Variants in KCND2 observed in about 807,000 individuals in gnomAD.
The protein encoded by KCND2 is potassium voltage-gated channel subfamily D member 2.
Under a neutral mutation model 54.4 loss-of-function variants are expected in KCND2, and 16 were observed. The observed-to-expected ratio is 0.29, with a 90% CI of 0.20 to 0.45. The LOEUF (loss-of-function observed/expected upper bound fraction) is 0.45. Among genes scored for constraint, KCND2 ranks in the 20% least tolerant of loss-of-function variants. The probability of loss-of-function intolerance (pLI) is 1.00; values close to 1 mark genes in which losing one functional copy is unlikely to be tolerated. For synonymous variants in KCND2, 317 were observed against 310.7 expected, an observed-to-expected ratio of 1.02 and a Z score of -0.21; for missense variants, 486 against 824.2, an observed-to-expected ratio of 0.59 and a Z score of 5.02.
chr7:120,707,600 G>A (rs936599200), intron 1 of KCND2, among the ~76,000 whole-genome samples: 5 of 152,086 alleles, frequency 3.3e-5, no homozygotes, highest in Admixed American at 2.0e-4. Context: ...GTATATGCAC[G>A]GTGAGCACAT....
chr7:120,449,183 G>A (rs1264465077), intron 1 of KCND2, among the ~76,000 whole-genome samples: 1 of 151,970 alleles, frequency 6.6e-6, no homozygotes, highest in Non-Finnish European at 1.5e-5. Flanking sequence ...CAAAAAATTA[G>A]CCAGGCATGG....
At chr7:120,455,371 C>T (rs964740859) in intron 1 of KCND2, among the ~76,000 whole-genome samples, 1 of 151,960 alleles carries the variant, frequency 6.6e-6, no homozygotes, top group South Asian at 2.1e-4. Context: ...AGAGAGATTA[C>T]ACACTACTGG....
At chr7:120,698,949 G>A (rs1010604829) in intron 1 of KCND2, among the ~76,000 whole-genome samples, 1 of 152,122 alleles carries the variant, frequency 6.6e-6, no homozygotes, top group African/African-American at 2.4e-5. Context: ...CAGGAGACTT[G>A]TTGAGATGGG....
chr7:120,492,876 T>C (rs1198033295), intron 1 of KCND2, among the ~76,000 whole-genome samples: 1 of 152,118 alleles, frequency 6.6e-6, no homozygotes, highest in Non-Finnish European at 1.5e-5. Flanking sequence ...ATTTAATTTA[T>C]TGAATACTGT....
intron 1 of KCND2, among the ~76,000 whole-genome samples, chr7:120,487,427 A>T (rs1490554989): frequency 6.6e-6 from 1 of 152,210 alleles, no homozygotes; most frequent in African/African-American, 2.4e-5. Context: ...GAAGAGGGAG[A>T]GAAAGAGAGA....
intron 1 of KCND2, among the ~76,000 whole-genome samples, chr7:120,586,511 G>A (rs945316490): frequency 3.3e-5 from 5 of 152,128 alleles, no homozygotes; most frequent in African/African-American, 1.2e-4. Context: ...AATTGATCTT[G>A]CATCAAAAAT....
chr7:120,729,630 G>T (rs1792780200), intron 1 of KCND2, among the ~76,000 whole-genome samples: 1 of 152,160 alleles, frequency 6.6e-6, no homozygotes, highest in Non-Finnish European at 1.5e-5. Context: ...ATAACATGGG[G>T]AAACTCTGTG....
At chr7:120,308,746 T>C (rs1405564470) in intron 1 of KCND2, among the ~76,000 whole-genome samples, 1 of 152,178 alleles carries the variant, frequency 6.6e-6, no homozygotes, top group Non-Finnish European at 1.5e-5. Flanking sequence ...ATATCTAAAA[T>C]AAATTTTGTC....
chr7:120,638,772 G>C (rs940116325), intron 1 of KCND2, among the ~76,000 whole-genome samples: 2 of 152,080 alleles, frequency 1.3e-5, no homozygotes, highest in African/African-American at 4.8e-5. Context: ...CTTTCATGCA[G>C]AAAGTATTCA....
chr7:120,298,629 C>G (rs1272278328), intron 1 of KCND2, among the ~76,000 whole-genome samples: 1 of 152,138 alleles, frequency 6.6e-6, no homozygotes, highest in Admixed American at 6.6e-5. Context: ...TTGATTTAAA[C>G]ATTTATTTTA....
intron 1 of KCND2, among the ~76,000 whole-genome samples, chr7:120,627,051 A>C (rs1423915059): frequency 2.0e-5 from 3 of 152,202 alleles, no homozygotes; most frequent in Non-Finnish European, 4.4e-5. Context: ...TATGGTGTCC[A>C]TCATACACCA....
intron 1 of KCND2, among the ~76,000 whole-genome samples, chr7:120,660,622 C>T (rs1248475776): frequency 6.6e-6 from 1 of 152,166 alleles, no homozygotes; most frequent in Non-Finnish European, 1.5e-5. Flanking sequence ...AAATGCACAT[C>T]ATTATATGAA....
At chr7:120,329,999 G>A (rs1800039157) in intron 1 of KCND2, among the ~76,000 whole-genome samples, 1 of 152,006 alleles carries the variant, frequency 6.6e-6, no homozygotes, top group Non-Finnish European at 1.5e-5. Context: ...GTTCACCACT[G>A]AGAAGTGTTT....
At chr7:120,546,444 A>C (rs1436714858) in intron 1 of KCND2, among the ~76,000 whole-genome samples, 1 of 151,948 alleles carries the variant, frequency 6.6e-6, no homozygotes, top group Non-Finnish European at 1.5e-5. Context: ...TAACCTTGTG[A>C]ATTAAGAGAA....
chr7:120,274,396 T>A lies in KCND2; in HGVS notation c.-237T>A. On this transcript the variant is annotated 5_prime_UTR_variant, in exon 1 of 6. Coordinates refer to ENST00000331113, the MANE Select transcript of KCND2 (RefSeq NM_012281.3). ...AGATTTGGCTGGGTTCTGTTGAGGG[T>A]GATTGTTAGGACGTTGTATTTTGTT... The A allele has an allele frequency of 5.0e-6, 3 of 598,804 alleles. No homozygotes were observed. The highest frequency in any genetic ancestry group is 3.0e-5 in the Admixed American group (1 of 33,614). The allele number at this position is 598,804 out of a possible 1,614,324, so 37.1% of individuals were successfully genotyped here. A position where few individuals can be genotyped will look rare whatever the true frequency, so the allele number is the denominator to read the frequency against.
At chr7:120,538,602 C>G (rs1791940786) in intron 1 of KCND2, among the ~76,000 whole-genome samples, 1 of 152,188 alleles carries the variant, frequency 6.6e-6, no homozygotes, top group South Asian at 2.1e-4. Flanking sequence ...CTGGGCACTG[C>G]TGGCAGCTGG....
chr7:120,436,653 C>T lies in KCND2; in HGVS notation c.1115+160906C>T, dbSNP rs376546888. 5.3e-4 allele frequency among the ~76,000 whole-genome samples: 80 copies of T among 152,292 alleles called. 2 individuals carry two copies. The South Asian group carries it at 0.014, about 27-fold the overall frequency. On this transcript the variant is annotated intron_variant, in intron 1 of 5. Coordinates refer to ENST00000331113, the MANE Select transcript of KCND2 (RefSeq NM_012281.3). ...AAATGCCAGGTGGGGGGCCATCTGG[C>T]CCTCAGTGTCATCAGCCACCCCTGC...
chr7:120,451,679 C>T (rs1441366369), intron 1 of KCND2, among the ~76,000 whole-genome samples: 1 of 152,186 alleles, frequency 6.6e-6, no homozygotes, highest in Admixed American at 6.5e-5. Context: ...CTTACCTCCC[C>T]TCCATGCCTA....
intron 1 of KCND2, among the ~76,000 whole-genome samples, chr7:120,537,230 C>T (rs866207037): frequency 1.6e-4 from 24 of 152,194 alleles, no homozygotes; most frequent in African/African-American, 5.5e-4. Context: ...TGACCAGGAC[C>T]ATTGTCAATA....
Sources: allele counts gnomAD v4.1 joint callset (sites outside exome capture counted in the v4.1 genomes callset), GRCh38; gene constraint gnomAD v4.1.1; transcripts MANE v1.5; gene names NCBI Gene and HGNC (gene_info 2026-07-23, HGNC 2026-07-21).